The following DYTN variants were observed in gnomAD, a reference collection of about 807,000 sequenced individuals.
DYTN encodes dystrotelin.
Under a neutral mutation model 69.6 loss-of-function variants are expected in DYTN, and 75 were observed. The observed-to-expected ratio is 1.08, with a 90% confidence interval of 0.89 to 1.31. The LOEUF (loss-of-function observed/expected upper bound fraction) is 1.31, where lower values mean the gene tolerates loss of function less well. Among genes scored for constraint, DYTN ranks in the 50% most tolerant of loss-of-function variants. The pLI is 0.00. For missense variants in DYTN, 726 were observed against 688.4 expected (o/e 1.05, Z -0.61); for synonymous variants, 252 against 249.1 (o/e 1.01, Z -0.11).
intron 9 of DYTN, among the ~76,000 whole-genome samples, chr2:206,673,025 C>T (rs1378046930): frequency 6.6e-6 from 1 of 152,122 alleles, no homozygotes; most frequent in South Asian, 2.1e-4. Flanking sequence ...ATTATTTCAT[C>T]ACCCAGGTAT....
intron 11 of DYTN, among the ~76,000 whole-genome samples, chr2:206,658,217 C>G (rs965407997): frequency 1.3e-5 from 2 of 152,006 alleles, no homozygotes; most frequent in Non-Finnish European, 2.9e-5. Flanking sequence ...ATTTCTCTAT[C>G]TCTTTGTTGA....
rs1157755643 is a variant in DYTN at position 206,707,415 on chromosome 2, T to C, written c.183A>G (p.Gln61=). ...EARKHSLSVQ[Q]LSQALQELFQ... ...ACAGCTCTTGGAGTGCCTGAGAAAG[T>C]TGCTGCACAGAAAGGGAGTGCTTGC... The change falls in exon 3 of 12, where the codon CAA becomes CAG. Residue 61 remains glutamine, a synonymous_variant. Transcript: ENST00000452335. 1 of 1,613,204 alleles carries C rather than the reference T, an allele frequency of 6.2e-7. No homozygotes were observed. The highest frequency in any genetic ancestry group is 8.5e-7 in the Non-Finnish European group (1 of 1,179,702).
intron 9 of DYTN, among the ~76,000 whole-genome samples, chr2:206,690,504 G>A (rs1699853081): frequency 6.6e-6 from 1 of 152,210 alleles, no homozygotes; most frequent in African/African-American, 2.4e-5. Flanking sequence ...TGGACCATGG[G>A]GAGACCGAGG....
At chr2:206,679,003 G>A (rs900355182) in intron 9 of DYTN, 3 of 152,072 alleles carry the variant, frequency 2.0e-5, no homozygotes, top group Non-Finnish European at 2.9e-5. Context: ...GTTCCTTTCC[G>A]TTTTGGACTC....
At chr2:206,666,791 C>A (rs948168405) in intron 9 of DYTN, among the ~76,000 whole-genome samples, 1 of 139,504 alleles carries the variant, frequency 7.2e-6, no homozygotes, top group Non-Finnish European at 1.5e-5. Context: ...CTTTAGGAGG[C>A]CAAGTTGGGG....
chr2:206,689,198 T>C (rs924886460), intron 9 of DYTN, among the ~76,000 whole-genome samples: 2 of 152,246 alleles, frequency 1.3e-5, no homozygotes, highest in Non-Finnish European at 2.9e-5. Context: ...CAAACTATCA[T>C]GTGTAAAGGA....
At chr2:206,654,110 C>G (rs1699420214) in intron 11 of DYTN, among the ~76,000 whole-genome samples, 1 of 152,200 alleles carries the variant, frequency 6.6e-6, no homozygotes. Flanking sequence ...GCCAACTACA[C>G]TTTTTTTCTG....
At position 206,688,055 on chromosome 2, in the gene DYTN, A is replaced by G. The variant is rs541886481; in HGVS notation, c.980+5120T>C. ...GTGATTCTATCTGGAAATGCATTAA[A>G]TTTAAATACAGTAGATTATGCTCTA... On this transcript the variant is annotated intron_variant, in intron 9 of 11. Transcript: ENST00000452335. Among the ~76,000 whole-genome samples the G allele has an allele frequency of 5.9e-5, 9 of 152,330 alleles. No individual in the cohort carries two copies. In the South Asian group the frequency reaches 1.9e-3, roughly 32 times the overall value.
intron 9 of DYTN, among the ~76,000 whole-genome samples, chr2:206,692,607 G>A (rs1266508037): frequency 6.6e-6 from 1 of 152,164 alleles, no homozygotes; most frequent in Non-Finnish European, 1.5e-5. Flanking sequence ...ATAGCCAAAT[G>A]TTCAATAATG....
intron 1 of DYTN, among the ~76,000 whole-genome samples, chr2:206,715,873 A>G (rs1235612192): frequency 2.0e-5 from 3 of 152,134 alleles, no homozygotes; most frequent in Admixed American, 6.5e-5. Context: ...GTGGATAACG[A>G]GGTCAGGAGA....
chr2:206,717,079 A>ACACAC lies in DYTN; in HGVS notation c.19+1181_19+1182insGTGTG, dbSNP rs1194032966. On this transcript the variant is annotated intron_variant, in intron 1 of 11. Coordinates refer to ENST00000452335, the MANE Select transcript of DYTN (RefSeq NM_001093730.1). ...ACACACACACACACACACACACACAAAACAAACTCAAGAAAGGAAGAAACT... is the reference window on the plus strand; with the variant it reads ...ACACACACACACACACACACACACAACACACAACAAACTCAAGAAAGGAAGAAACT... Among the ~76,000 whole-genome samples, 682 of 137,294 alleles carry ACACAC rather than the reference A, an allele frequency of 5.0e-3. 1 individual carries two copies. Among genetic ancestry groups the ACACAC allele is most frequent in the South Asian group, 7.2e-3 (31 of 4,288 alleles). The allele number at this position is 137,294 out of a possible 152,430, so 90.1% of individuals were successfully genotyped here. A position where few individuals can be genotyped will look rare whatever the true frequency, so the allele number is the denominator to read the frequency against.
In DYTN at chr2:206,699,571, A is replaced by C. The variant is rs529934693; in HGVS notation, c.719+156T>G. ...GAAGATAAAAGACAATTTATTATCA[A>C]CCAGGATGCCTCTTGCCAGGAAATC... On this transcript the variant is annotated intron_variant, in intron 7 of 11. Transcript: ENST00000452335. Among the ~76,000 whole-genome samples the C allele has an allele frequency of 4.6e-5, 7 of 152,382 alleles. No individual in the cohort carries two copies. The South Asian group carries it at 1.4e-3, about 32-fold the overall frequency.
At chr2:206,663,420 G>A in intron 10 of DYTN, 25 bp from the exon 11 acceptor site, 3 of 1,539,058 alleles carry the variant, frequency 1.9e-6, no homozygotes, top group Non-Finnish European at 2.6e-6. Context: ...CTTTATTTAT[G>A]AAGAAATTAA....
intron 1 of DYTN, among the ~76,000 whole-genome samples, chr2:206,712,360 G>T (rs1311483321): frequency 1.3e-5 from 2 of 152,130 alleles, no homozygotes; most frequent in Admixed American, 6.5e-5. Flanking sequence ...AGGTCTTTGT[G>T]ACAGCAGTTT....
intron 9 of DYTN, among the ~76,000 whole-genome samples, chr2:206,674,815 G>T (rs2105891732): frequency 6.6e-6 from 1 of 152,004 alleles, no homozygotes; most frequent in South Asian, 2.1e-4. Context: ...AGTTGGTGCT[G>T]AAAACAGATT....
chr2:206,703,710 G>A (rs554179352), intron 5 of DYTN, among the ~76,000 whole-genome samples: 15 of 152,076 alleles, frequency 9.9e-5, no homozygotes, highest in African/African-American at 3.4e-4. Flanking sequence ...TCCTTATCCC[G>A]CCCTTGCTCC....
At chr2:206,713,184 G>A (rs1299395188) in intron 1 of DYTN, among the ~76,000 whole-genome samples, 3 of 152,034 alleles carry the variant, frequency 2.0e-5, no homozygotes, top group Non-Finnish European at 2.9e-5. Context: ...TGTATCTCGT[G>A]GAATGGCTAC....
chr2:206,655,453 A>C (rs1699437225), intron 11 of DYTN, among the ~76,000 whole-genome samples: 1 of 152,080 alleles, frequency 6.6e-6, no homozygotes, highest in Non-Finnish European at 1.5e-5. Context: ...TCTGTCACCC[A>C]GGCTGGAGTG....
intron 9 of DYTN, among the ~76,000 whole-genome samples, chr2:206,670,740 C>T (rs1035704994): frequency 6.6e-6 from 1 of 152,120 alleles, no homozygotes; most frequent in East Asian, 1.9e-4. Flanking sequence ...GCTCAAAGTA[C>T]AACTGCATAT....
Sources: allele counts gnomAD v4.1 joint callset (sites outside exome capture counted in the v4.1 genomes callset), GRCh38; gene constraint gnomAD v4.1.1; transcripts MANE v1.5; gene names NCBI Gene and HGNC (gene_info 2026-07-23, HGNC 2026-07-21).